BAZ2B: variants seen among roughly 807,000 people sequenced by gnomAD.
BAZ2B encodes bromodomain adjacent to zinc finger domain protein 2B.
In BAZ2B, 91 loss-of-function variants were observed where a neutral mutation model predicts 246.0. That is an observed-to-expected ratio of 0.37 (90% CI 0.31 to 0.44). The LOEUF (loss-of-function observed/expected upper bound fraction) is 0.44. BAZ2B is among the 20% of genes least tolerant of loss of function. The pLI is 1.00. For missense variants in BAZ2B, 2,332 were observed against 2,533.7 expected (o/e 0.92, Z 1.71); for synonymous variants, 855 against 860.0 (o/e 0.99, Z 0.10).
At chr2:159,449,546 C>T (rs986138746) in intron 4 of BAZ2B, among the ~76,000 whole-genome samples, 3 of 152,060 alleles carry the variant, frequency 2.0e-5, no homozygotes, top group Admixed American at 6.6e-5. Context: ...ATGGCAAAAT[C>T]TGGTTTAAAA....
intron 34 of BAZ2B, among the ~76,000 whole-genome samples, chr2:159,328,362 A>G (rs73967817): frequency 0.011 from 1,642 of 152,314 alleles, 27 homozygotes; most frequent in African/African-American, 0.038. Flanking sequence ...ACAATGGTAC[A>G]TATCTTTCTA....
chr2:159,354,279 CAA>C (rs1167077995), intron 27 of BAZ2B, among the ~76,000 whole-genome samples: 2 of 152,068 alleles, frequency 1.3e-5, no homozygotes, highest in Non-Finnish European at 2.9e-5. Context: ...ATGGTAATTT[CAA>C]AAGTCATGGC....
At chr2:159,354,785 G>A (rs1261660521) in intron 27 of BAZ2B, among the ~76,000 whole-genome samples, 1 of 152,026 alleles carries the variant, frequency 6.6e-6, no homozygotes, top group Non-Finnish European at 1.5e-5. Flanking sequence ...TTTGACATGT[G>A]TCAATGACTA....
rs188723666 is a variant in BAZ2B, at chr2:159,521,322, C to T, written c.-3+34501G>A. On this transcript the variant is annotated intron_variant, in intron 2 of 36. Transcript: ENST00000392783. Reference sequence around the variant, plus strand: ...TGAAATGGCTTTTGAACAAATTTAACAACAAAAGAATATTATTCAATTTTC... The same window carrying T: ...TGAAATGGCTTTTGAACAAATTTAATAACAAAAGAATATTATTCAATTTTC... Among the ~76,000 whole-genome samples the T allele has an allele frequency of 1.6e-3, 238 of 152,040 alleles. 2 individuals carry two copies. Among genetic ancestry groups the T allele is most frequent in the Admixed American group, 2.1e-3 (32 of 15,280 alleles).
chr2:159,428,063 T>G (rs759073821), intron 12 of BAZ2B, 21 bp from the exon 13 acceptor site: 1 of 1,603,580 alleles, frequency 6.2e-7, no homozygotes, highest in Non-Finnish European at 8.5e-7. Flanking sequence ...CACATATTTT[T>G]CCACTTCAGG....
the BAZ2B span, among the ~76,000 whole-genome samples, chr2:159,631,753 G>A: frequency 6.6e-6 from 1 of 152,090 alleles, no homozygotes; most frequent in Non-Finnish European, 1.5e-5. Context: ...AATGATGCTA[G>A]GGAACCAACT....
intron 2 of BAZ2B, among the ~76,000 whole-genome samples, chr2:159,479,263 T>C (rs1412502686): frequency 6.6e-6 from 1 of 152,178 alleles, no homozygotes; most frequent in Non-Finnish European, 1.5e-5. Context: ...AAGTTTAAAC[T>C]ATGATTTCAA....
chr2:159,447,192 A>T (rs2074377510), intron 5 of BAZ2B, among the ~76,000 whole-genome samples: 1 of 152,098 alleles, frequency 6.6e-6, no homozygotes, highest in Non-Finnish European at 1.5e-5. Flanking sequence ...GCTGAGAGAG[A>T]GGGGAATGGG....
chr2:159,413,160 C>T lies in BAZ2B; in HGVS notation c.2467-615G>A, dbSNP rs1398362747. 2.0e-5 allele frequency among the ~76,000 whole-genome samples: 3 copies of T among 152,266 alleles called. No individual in the cohort carries two copies. The East Asian group carries it at 5.8e-4, about 29-fold the overall frequency. The stretch of plus-strand genomic sequence containing the variant: ...AAAATAGTACTGCCCCTCACACACA[C>T]ACAAAAATCAAACCTGGATTTGATC... On this transcript the variant is annotated intron_variant, in intron 13 of 36. Coordinates refer to ENST00000392783, the MANE Select transcript of BAZ2B (RefSeq NM_013450.4).
In BAZ2B at chr2:159,541,032, C is replaced by A. The variant is rs139907661; in HGVS notation, c.-3+14791G>T. Among the ~76,000 whole-genome samples the A allele has an allele frequency of 4.7e-3, 715 of 152,128 alleles. 6 individuals are homozygous for A. The highest frequency in any genetic ancestry group is 0.016 in the African/African-American group (677 of 41,484). Reference sequence around the variant, plus strand: ...TAACATCAGGTCACAGAAACTTCAGCCTTTAAATTTTTTACACATTTCCTA... The same window carrying A: ...TAACATCAGGTCACAGAAACTTCAGACTTTAAATTTTTTACACATTTCCTA... On this transcript the variant is annotated intron_variant, in intron 2 of 36. Coordinates refer to ENST00000392783, the MANE Select transcript of BAZ2B (RefSeq NM_013450.4).
intron 1 of BAZ2B, among the ~76,000 whole-genome samples, chr2:159,576,392 T>C (rs1685295613): frequency 6.6e-6 from 1 of 151,940 alleles, no homozygotes; most frequent in Non-Finnish European, 1.5e-5. Flanking sequence ...ACCCCGTCTT[T>C]ACAAAAAATA....
In BAZ2B at chr2:159,465,262, T is replaced by C. The variant is rs528242445; in HGVS notation, c.146-11461A>G. 1.3e-5 allele frequency among the ~76,000 whole-genome samples: 2 copies of C among 152,320 alleles called. 1 individual carries two copies. Among genetic ancestry groups the C allele is most frequent in the South Asian group, 4.1e-4 (2 of 4,832 alleles). ...GTGCATGTCTCTGTGTCTACATTTCTCCTTTGATAAAAATACTGGATATGT... is the reference window on the plus strand; with the variant it reads ...GTGCATGTCTCTGTGTCTACATTTCCCCTTTGATAAAAATACTGGATATGT... On this transcript the variant is annotated intron_variant, in intron 3 of 36. Transcript: ENST00000392783.
intron 22 of BAZ2B, among the ~76,000 whole-genome samples, chr2:159,385,995 C>G (rs1256983539): frequency 6.6e-6 from 1 of 152,116 alleles, no homozygotes; most frequent in Non-Finnish European, 1.5e-5. Flanking sequence ...CAGTTATTCA[C>G]AGTGATTGAG....
At chr2:159,630,226 G>A in the BAZ2B span, among the ~76,000 whole-genome samples, 1 of 152,224 alleles carries the variant, frequency 6.6e-6, no homozygotes, top group Non-Finnish European at 1.5e-5. Context: ...GGGAAGCCAA[G>A]GCAGGAGGAT....
intron 26 of BAZ2B, 97 bp from the exon 27 acceptor site, chr2:159,373,286 A>G (rs958073481): frequency 7.0e-6 from 8 of 1,142,446 alleles, no homozygotes; most frequent in Non-Finnish European, 9.3e-6. Context: ...CTTTAAGCAC[A>G]TAAATTTCAC....
chr2:159,689,782 C>A, the BAZ2B span: 1 of 506,918 alleles, frequency 2.0e-6, no homozygotes, highest in South Asian at 2.2e-5. Context: ...CCACTTCTTT[C>A]AAGTCATTTG....
At chr2:159,332,843 A>G in intron 33 of BAZ2B, 157 bp from the exon 34 acceptor site, 2 of 828,694 alleles carry the variant, frequency 2.4e-6, no homozygotes, top group Non-Finnish European at 3.7e-6. Flanking sequence ...ATCTTTCGTT[A>G]CACAGATATG....
At chr2:159,551,443 T>G (rs1172006851) in intron 2 of BAZ2B, among the ~76,000 whole-genome samples, 3 of 123,618 alleles carry the variant, frequency 2.4e-5, no homozygotes, top group African/African-American at 9.7e-5. Flanking sequence ...CACTCCAGCC[T>G]GGGTGACAGT....
At chr2:159,619,744 A>G (rs1320346968), upstream of BAZ2B, among the ~76,000 whole-genome samples, 4 of 152,026 alleles carry the variant, frequency 2.6e-5, no homozygotes, top group African/African-American at 9.6e-5. Context: ...TTGTGCTTAA[A>G]TTATTTTTAA....
Sources: gnomAD v4.1 joint callset for allele counts (sites outside exome capture counted in the v4.1 genomes callset) on GRCh38, gnomAD v4.1.1 for gene constraint, MANE v1.5 for transcripts, NCBI Gene and HGNC (gene_info 2026-07-23, HGNC 2026-07-21) for gene names.